Variants in IL36G observed in about 807,000 individuals in gnomAD.
IL36G encodes interleukin 36 gamma, also known as interleukin-36 gamma.
In IL36G, 10 loss-of-function variants were observed where a neutral mutation model predicts 13.5. The ratio of observed to expected loss-of-function variants is 0.74; its 90% CI spans 0.46 to 1.26. The LOEUF (loss-of-function observed/expected upper bound fraction) is 1.26. Among genes scored for constraint, IL36G ranks in the 50% most tolerant of loss-of-function variants. IL36G has a pLI of 0.00. For synonymous variants in IL36G, 84 were observed against 74.0 expected, an observed-to-expected ratio of 1.13 and a Z score of -0.69; for missense variants, 199 against 203.0, an observed-to-expected ratio of 0.98 and a Z score of 0.12.
intron 4 of IL36G, among the ~76,000 whole-genome samples, chr2:112,984,353 T>C (rs1684314581): frequency 6.6e-6 from 1 of 152,262 alleles, no homozygotes; most frequent in African/African-American, 2.4e-5. Flanking sequence ...TCCTTTGATT[T>C]GTTAGACCCT....
chr2:112,980,169 T>G (rs753079744), intron 4 of IL36G, 21 bp downstream of exon 4: 17 of 1,602,936 alleles, frequency 1.1e-5, no homozygotes, highest in Non-Finnish European at 1.4e-5. Flanking sequence ...AAGAAAAATA[T>G]TTAAAAAGCC....
At chr2:112,979,836 T>TATGAATGAATGAATGAATGA (rs3075080) in intron 3 of IL36G, among the ~76,000 whole-genome samples, 173 bp from the exon 4 acceptor site, 8 of 151,426 alleles carry the variant, frequency 5.3e-5, no homozygotes, top group African/African-American at 1.9e-4. Context: ...TGGCACATGG[T>TATGAATGAATGAATGAATGA]ATGAATGAAT....
Position 112,979,248 on chromosome 2 carries a change from A to G in IL36G, c.83A>G (p.Asn28Ser). The G allele has an allele frequency of 6.2e-7, 1 of 1,611,470 alleles. No individual in the cohort carries two copies. Among genetic ancestry groups the G allele is most frequent in the Non-Finnish European group, 8.5e-7 (1 of 1,177,566 alleles). ...TGTAAACCTATTACTGGGACTATTAATGATTTGAATCAGCAAGTGTGGACC... is the reference window on the plus strand; with the variant it reads ...TGTAAACCTATTACTGGGACTATTAGTGATTTGAATCAGCAAGTGTGGACC... ...SMCKPITGTINDLNQQVWTLQ... is the reference protein window; with the variant it reads ...SMCKPITGTISDLNQQVWTLQ... The change falls in exon 3 of 5, where the codon AAT (asparagine) becomes AGT (serine). Residue 28 changes from asparagine (N) to serine (S), a missense_variant. Coordinates refer to ENST00000259205, the MANE Select transcript of IL36G (RefSeq NM_019618.4).
In IL36G at chr2:112,980,110, T is replaced by C; in HGVS notation, c.262T>C (p.Cys88Arg). Residue 88 changes from cysteine (C) to arginine (R), a missense_variant, in exon 4 of 5, where the codon TGT (cysteine) becomes CGT (arginine). Transcript: ENST00000259205. Reference sequence around the variant, plus strand: ...CCAGAATCCAGAAATGTGTTTGTATTGTGAGAAGGTTGGAGAACAGCCCAC... The same window carrying C: ...CCAGAATCCAGAAATGTGTTTGTATCGTGAGAAGGTTGGAGAACAGCCCAC... Reference protein sequence around the residue: ...GIQNPEMCLYCEKVGEQPTLQ... With the variant: ...GIQNPEMCLYREKVGEQPTLQ... 1 of 1,614,162 alleles carries C rather than the reference T, an allele frequency of 6.2e-7. No individual in the cohort carries two copies. Among genetic ancestry groups the C allele is most frequent in the Non-Finnish European group, 8.5e-7 (1 of 1,180,008 alleles).
rs545442886 is a variant in IL36G, at chr2:112,984,778, T to C, written c.301-62T>C. On this transcript the variant is annotated intron_variant, in intron 4 of 4. Transcript: ENST00000259205. ...GGAACATTTATTGAATTATTATGAA[T>C]AACCTTGAATATCTCAAACAGCTTC... 3.0e-6 allele frequency: 4 copies of C among 1,336,220 alleles called. No homozygotes were observed. The East Asian group carries it at 6.9e-5, about 23-fold the overall frequency. The allele number at this position is 1,336,220 out of a possible 1,614,324, so 82.8% of individuals were successfully genotyped here.
intron 2 of IL36G, 60 bp from the exon 3 acceptor site, chr2:112,979,161 G>T: frequency 9.0e-7 from 1 of 1,114,904 alleles, no homozygotes; most frequent in South Asian, 1.3e-5. Flanking sequence ...TTTCTCCTGG[G>T]TCTAGTAAAG....
At chr2:112,981,888 G>A (rs1026296833) in intron 4 of IL36G, among the ~76,000 whole-genome samples, 1 of 151,960 alleles carries the variant, frequency 6.6e-6, no homozygotes, top group South Asian at 2.1e-4. Context: ...TTTAATGACT[G>A]TTTGTCCTCG....
rs551411397 is a variant in IL36G at position 112,985,062 on chromosome 2, G to A, written c.*13G>A. The A allele has an allele frequency of 2.6e-5, 41 of 1,590,642 alleles. No individual in the cohort carries two copies. In the South Asian group the frequency reaches 4.3e-4, roughly 17 times the overall value. ...TATAAATGACTGAACTCAGCCTAGA[G>A]GTGGCAGCTTGGTCTTTGTCTTAAA... On this transcript the variant is annotated 3_prime_UTR_variant, in exon 5 of 5. Transcript: ENST00000259205.
chr2:112,980,229 G>A, intron 4 of IL36G, 81 bp downstream of exon 4: 1 of 1,174,570 alleles, frequency 8.5e-7, no homozygotes, highest in Non-Finnish European at 1.2e-6. Flanking sequence ...AATTAAAAAA[G>A]AAATAGTCTC....
At chr2:112,979,792 C>T (rs1684231323) in intron 3 of IL36G, among the ~76,000 whole-genome samples, 1 of 152,116 alleles carries the variant, frequency 6.6e-6, no homozygotes, top group South Asian at 2.1e-4. Context: ...GTCTGCTTAG[C>T]TCTCTGTGTT....
chr2:112,978,608 C>A lies in IL36G; in HGVS notation c.-19-12C>A. 6.2e-7 allele frequency: 1 copy of A among 1,608,164 alleles called. No individual in the cohort carries two copies. The highest frequency in any genetic ancestry group is 8.5e-7 in the Non-Finnish European group (1 of 1,174,538). ...CTCTTGTGGTTCATCTGTTCTATGT[C>A]TGCTTTCACAGGTGCTGAGACAACC... On this transcript the variant is annotated splice_polypyrimidine_tract_variant and intron_variant, in intron 1 of 4. Transcript: ENST00000259205.
chr2:112,978,749 G>A (rs900139030), intron 2 of IL36G, 56 bp downstream of exon 2: 4 of 1,530,706 alleles, frequency 2.6e-6, no homozygotes, highest in African/African-American at 2.7e-5. Context: ...CTGCACTCAC[G>A]CTATCTCCTG....
chr2:112,978,787 T>C, intron 2 of IL36G, 94 bp downstream of exon 2: 1 of 1,234,586 alleles, frequency 8.1e-7, no homozygotes, highest in Non-Finnish European at 1.2e-6. Flanking sequence ...TCTGCTCCTC[T>C]CTGTACACTG....
chr2:112,978,761 G>A, intron 2 of IL36G, 68 bp downstream of exon 2: 1 of 1,466,534 alleles, frequency 6.8e-7, no homozygotes, highest in Non-Finnish European at 9.5e-7. Context: ...TATCTCCTGT[G>A]GAAGCCCCAG....
chr2:112,980,209 C>T (rs1396336584), intron 4 of IL36G, 61 bp downstream of exon 4: 7 of 1,375,564 alleles, frequency 5.1e-6, no homozygotes, highest in South Asian at 1.3e-5. Flanking sequence ...GGTTGAATAC[C>T]TAATTTTAGA....
Position 112,985,180 on chromosome 2 carries a change from A to G in IL36G, c.*131A>G. ...GGGGCAAGGCTGCTGTTATCATCTCATTTTATAATGAAGAAGAAGCAATTA... is the reference window on the plus strand; with the variant it reads ...GGGGCAAGGCTGCTGTTATCATCTCGTTTTATAATGAAGAAGAAGCAATTA... On this transcript the variant is annotated 3_prime_UTR_variant, in exon 5 of 5. Coordinates refer to ENST00000259205, the MANE Select transcript of IL36G (RefSeq NM_019618.4). The G allele has an allele frequency of 1.6e-6, 1 of 641,058 alleles. No individual in the cohort carries two copies. The highest frequency in any genetic ancestry group is 2.0e-5 in the South Asian group (1 of 50,908). The allele number at this position is 641,058 out of a possible 1,614,324, so 39.7% of individuals were successfully genotyped here.
At position 112,985,053 on chromosome 2, in the gene IL36G, C is replaced by A; in HGVS notation, c.*4C>A. ...TGAATTAAATATAAATGACTGAACT[C>A]AGCCTAGAGGTGGCAGCTTGGTCTT... On this transcript the variant is annotated 3_prime_UTR_variant, in exon 5 of 5. Coordinates refer to ENST00000259205, the MANE Select transcript of IL36G (RefSeq NM_019618.4). 6.2e-7 allele frequency: 1 copy of A among 1,606,782 alleles called. No homozygotes were observed. Among genetic ancestry groups the A allele is most frequent in the Non-Finnish European group, 8.5e-7 (1 of 1,173,964 alleles).
intron 2 of IL36G, among the ~76,000 whole-genome samples, 156 bp from the exon 3 acceptor site, chr2:112,979,065 G>C (rs933282917): frequency 1.3e-5 from 2 of 152,226 alleles, no homozygotes; most frequent in African/African-American, 4.8e-5. Flanking sequence ...TAGAAAGAAA[G>C]GCTAGGCTGA....
At chr2:112,981,213 C>T in intron 4 of IL36G, 1 of 1,301,518 alleles carries the variant, frequency 7.7e-7, no homozygotes, top group Non-Finnish European at 1.1e-6. Context: ...CCTGTTTTGG[C>T]ATCTCTATTT....
Sources: allele counts gnomAD v4.1 joint callset (sites outside exome capture counted in the v4.1 genomes callset), GRCh38; gene constraint gnomAD v4.1.1; transcripts MANE v1.5; gene names NCBI Gene and HGNC (gene_info 2026-07-23, HGNC 2026-07-21).